ZNF234: variants seen among roughly 807,000 people sequenced by gnomAD.
ZNF234 encodes the protein C2-H2 type zinc finger protein.
In ZNF234, 4 loss-of-function variants were observed where a neutral mutation model predicts 10.3. The observed-to-expected ratio is 0.39, with a 90% CI of 0.19 to 0.89. The LOEUF is 0.89. ZNF234 is among the 40% of genes least tolerant of loss of function. The pLI is 0.38. For missense variants in ZNF234, 711 were observed against 836.1 expected (o/e 0.85, Z 1.85); for synonymous variants, 258 against 280.1 (o/e 0.92, Z 0.79).
chr19:44,142,086 A>T (rs1010029962), intron 1 of ZNF234: 1 of 152,356 alleles, frequency 6.6e-6, no homozygotes, highest in African/African-American at 2.4e-5. Flanking sequence ...GTTTCTTGTT[A>T]CTTTCCCACG....
intron 5 of ZNF234, 87 bp from the exon 6 acceptor site, chr19:44,156,165 T>C: frequency 8.0e-7 from 1 of 1,245,868 alleles, no homozygotes. Context: ...TCTCTGGATT[T>C]GTTAAAATCG....
chr19:44,144,195 A>T (rs980559725), intron 2 of ZNF234, among the ~76,000 whole-genome samples: 1 of 152,108 alleles, frequency 6.6e-6, no homozygotes. Context: ...CCCCATCAAC[A>T]AGTAACCTAC....
rs1030433704 is a variant in ZNF234 at position 44,141,740 on chromosome 19, T to G, written c.-131+7T>G. Reference sequence around the variant, plus strand: ...GCCTCGTGGGAGAGCAGAGGTTTGGTGGGGCGAGGGCGGCGGCTTTTGTTG... The same window carrying G: ...GCCTCGTGGGAGAGCAGAGGTTTGGGGGGGCGAGGGCGGCGGCTTTTGTTG... On this transcript the variant is annotated splice_region_variant and intron_variant, in intron 1 of 5. Transcript: ENST00000426739. The surrounding 1 kb of genome is among the most constrained non-coding windows in gnomAD (Gnocchi z 4.6). 2.0e-5 allele frequency: 3 copies of G among 152,344 alleles called. No homozygotes were observed. The highest frequency in any genetic ancestry group is 4.4e-5 in the Non-Finnish European group (3 of 68,046). The allele number at this position is 152,344 out of a possible 1,614,324, so 9.4% of individuals were successfully genotyped here.
chr19:44,158,282 A>T lies in ZNF234; in HGVS notation c.*163A>T. 1.2e-6 allele frequency: 1 copy of T among 803,562 alleles called. No homozygotes were observed. The highest frequency in any genetic ancestry group is 2.0e-6 in the Non-Finnish European group (1 of 487,860). 49.8% of individuals were successfully genotyped at this position (803,562 alleles called of 1,614,324 possible). ...TGTTTTTTATTTTTTGTTTTGAAAC[A>T]GAATCTCGCTCTGTTGCCCATGCTG... On this transcript the variant is annotated 3_prime_UTR_variant, in exon 6 of 6. Transcript: ENST00000426739.
intron 5 of ZNF234, among the ~76,000 whole-genome samples, chr19:44,154,736 G>A (rs1013502067): frequency 6.7e-6 from 1 of 149,418 alleles, no homozygotes; most frequent in Non-Finnish European, 1.5e-5. Flanking sequence ...GAGTTCAAGC[G>A]ATCCTCCATC....
intron 4 of ZNF234, among the ~76,000 whole-genome samples, chr19:44,149,595 G>C (rs1048901489): frequency 6.6e-6 from 1 of 152,196 alleles, no homozygotes; most frequent in Admixed American, 6.5e-5. Flanking sequence ...TAGAGTGAAG[G>C]TTTAATAAGC....
chr19:44,150,209 C>A (rs907826116), intron 4 of ZNF234, among the ~76,000 whole-genome samples: 1 of 152,314 alleles, frequency 6.6e-6, no homozygotes, highest in African/African-American at 2.4e-5. Flanking sequence ...TAACTCCTTT[C>A]AGAAATAGGT....
At chr19:44,151,297 G>C (rs898669163) in intron 5 of ZNF234, among the ~76,000 whole-genome samples, 2 of 152,038 alleles carry the variant, frequency 1.3e-5, no homozygotes, top group Admixed American at 1.3e-4. Context: ...CCGCCTCCCA[G>C]GTTCAAGCGA....
At chr19:44,143,288 T>C (rs1049029181) in intron 2 of ZNF234, among the ~76,000 whole-genome samples, 4 of 151,546 alleles carry the variant, frequency 2.6e-5, no homozygotes, top group Non-Finnish European at 5.9e-5. Flanking sequence ...AGGCCAGGAG[T>C]TTGAGACCCG....
At chr19:44,153,581 T>TA (rs892810879) in intron 5 of ZNF234, among the ~76,000 whole-genome samples, 21 of 152,248 alleles carry the variant, frequency 1.4e-4, no homozygotes, top group African/African-American at 4.6e-4. Flanking sequence ...AGGCCCAACT[T>TA]ACCTACACTG....
intron 5 of ZNF234, among the ~76,000 whole-genome samples, chr19:44,153,813 C>CA (rs1181585673): frequency 2.6e-5 from 4 of 152,102 alleles, no homozygotes; most frequent in African/African-American, 7.2e-5. Flanking sequence ...AATTCTCACA[C>CA]AAAAAAAGTC....
chr19:44,156,546 C>T lies in ZNF234; in HGVS notation c.530C>T (p.Thr177Ile). The T allele has an allele frequency of 6.2e-7, 1 of 1,614,038 alleles. No homozygotes were observed. Among genetic ancestry groups the T allele is most frequent in the Non-Finnish European group, 8.5e-7 (1 of 1,179,992 alleles). ...TTACACTCAGGAGAGAAGTCTCATACATGTGATGAGTGTGGAAAAAGCTTC... is the reference window on the plus strand; with the variant it reads ...TTACACTCAGGAGAGAAGTCTCATATATGTGATGAGTGTGGAAAAAGCTTC... ...QQLHSGEKSH[T>I]CDECGKSFCY... is the part of the protein sequence containing the mutation. Residue 177 changes from threonine (T) to isoleucine (I), a missense_variant, in exon 6 of 6, where the codon ACA becomes ATA. Transcript: ENST00000426739.
rs1271163418 is a variant in ZNF234, at chr19:44,157,607, CAG to C, written c.1596_1597del (p.Arg532SerfsTer9). On this transcript the variant is annotated frameshift_variant, in exon 6 of 6. Transcript: ENST00000426739. LOFTEE classifies it low-confidence loss of function (END_TRUNC). ...TCAGGCCTCGCATCTTCTAACCCAT[CAG>C]AGAGTTCACAGTGGGGAAAAACCAT... ...FSQASHLLTH[Q>X]RVHSGEKPFK... 1.2e-6 allele frequency: 2 copies of C among 1,613,846 alleles called. No homozygotes were observed. The highest frequency in any genetic ancestry group is 1.7e-6 in the Non-Finnish European group (2 of 1,179,938).
At chr19:44,150,727 G>A (rs557476329) in intron 5 of ZNF234, among the ~76,000 whole-genome samples, 25 of 152,210 alleles carry the variant, frequency 1.6e-4, no homozygotes, top group Admixed American at 1.0e-3. Context: ...GGAAATGTAA[G>A]TCAGATTGCC....
intron 3 of ZNF234, among the ~76,000 whole-genome samples, chr19:44,147,177 G>A (rs867532780): frequency 6.6e-6 from 1 of 152,000 alleles, no homozygotes; most frequent in Non-Finnish European, 1.5e-5. Flanking sequence ...CTGCCATTAT[G>A]TGGTCATAAT....
rs1400086280 is a variant in ZNF234 at position 44,159,589 on chromosome 19, G to C, written c.*1470G>C. ...GAGTTTTTAATCCATTAATGTTAAG[G>C]CAGGGGTTTACTCTAACACTTTTAA... On this transcript the variant is annotated 3_prime_UTR_variant, in exon 6 of 6. Transcript: ENST00000426739. The C allele has an allele frequency of 2.1e-6, 1 of 467,162 alleles. No homozygotes were observed. The highest frequency in any genetic ancestry group is 4.4e-6 in the Non-Finnish European group (1 of 225,358). 28.9% of individuals were successfully genotyped at this position (467,162 alleles called of 1,614,324 possible).
rs762537724 is a variant in ZNF234 at position 44,157,123 on chromosome 19, G to C, written c.1107G>C (p.Glu369Asp). 1 of 1,614,154 alleles carries C rather than the reference G, an allele frequency of 6.2e-7. No homozygotes were observed. Among genetic ancestry groups the C allele is most frequent in the Non-Finnish European group, 8.5e-7 (1 of 1,180,036 alleles). The change falls in exon 6 of 6, where the codon GAG becomes GAC. Residue 369 changes from glutamate to aspartate, a missense_variant. Glu to Asp is a conservative substitution (Grantham distance 45). Transcript: ENST00000426739. ...FQAHRRIHTG[E>D]KPYVCKVCGK... is the part of the protein sequence containing the mutation. ...CCCATCGGAGAATCCACACTGGAGAGAAACCATACGTATGTAAAGTGTGTG... is the reference window on the plus strand; with the variant it reads ...CCCATCGGAGAATCCACACTGGAGACAAACCATACGTATGTAAAGTGTGTG...
At chr19:44,150,751 A>C (rs533549398) in intron 5 of ZNF234, among the ~76,000 whole-genome samples, 1 of 152,194 alleles carries the variant, frequency 6.6e-6, no homozygotes, top group East Asian at 1.9e-4. Flanking sequence ...CCTCTACTTA[A>C]GACCTTGTAC....
Position 44,147,607 on chromosome 19 carries a change from C to T in ZNF234, c.16-1164C>T, listed in dbSNP as rs535841626. On this transcript the variant is annotated intron_variant, in intron 3 of 5. Transcript: ENST00000426739. Reference sequence around the variant, plus strand: ...GTGACTCATGCCTGTAATCCCAGAACTTTGGGAGGCCAAGGCAGGCGGATC... The same window carrying T: ...GTGACTCATGCCTGTAATCCCAGAATTTTGGGAGGCCAAGGCAGGCGGATC... 5.9e-5 allele frequency among the ~76,000 whole-genome samples: 9 copies of T among 152,134 alleles called. No individual in the cohort carries two copies. The South Asian group carries it at 1.9e-3, about 32-fold the overall frequency.
Sources: gnomAD v4.1 joint callset for allele counts (sites outside exome capture counted in the v4.1 genomes callset) on GRCh38, gnomAD v4.1.1 for gene constraint, Gnocchi (gnomAD v3.1) non-coding constraint, MANE v1.5 for transcripts, NCBI Gene and HGNC (gene_info 2026-07-23, HGNC 2026-07-21) for gene names.